TM4SF20: variants seen among roughly 807,000 people sequenced by gnomAD.
The protein encoded by TM4SF20 is transmembrane 4 L6 family member 20.
In TM4SF20, 13 loss-of-function variants were observed where a neutral mutation model predicts 15.1. That is an observed-to-expected ratio of 0.86 (90% CI 0.56 to 1.36). TM4SF20 has a LOEUF of 1.36. TM4SF20 is among the 40% of genes most tolerant of loss of function. The pLI, the probability that TM4SF20 is intolerant of heterozygous loss-of-function variation, is 0.00. For synonymous variants in TM4SF20, 92 were observed against 96.6 expected, an observed-to-expected ratio of 0.95 and a Z score of 0.28; for missense variants, 282 against 268.4, an observed-to-expected ratio of 1.05 and a Z score of -0.35.
chr2:227,380,577 A>T (rs1328306008), upstream of TM4SF20, among the ~76,000 whole-genome samples: 3 of 152,174 alleles, frequency 2.0e-5, no homozygotes, highest in African/African-American at 7.2e-5. Flanking sequence ...TTGGCCAAAA[A>T]AGTCACTCAG....
At chr2:227,373,306 A>G (rs2076430061) in intron 1 of TM4SF20, among the ~76,000 whole-genome samples, 1 of 152,140 alleles carries the variant, frequency 6.6e-6, no homozygotes, top group Non-Finnish European at 1.5e-5. Flanking sequence ...TTGCTTACAC[A>G]TTGCCTTGAA....
chr2:227,378,241 A>G (rs531885357), intron 1 of TM4SF20, among the ~76,000 whole-genome samples: 3 of 152,334 alleles, frequency 2.0e-5, no homozygotes, highest in East Asian at 3.9e-4. Context: ...AAACCATAGG[A>G]TAAATGATTT....
At chr2:227,374,941 A>AAT (rs201235503) in intron 1 of TM4SF20, among the ~76,000 whole-genome samples, 34 of 146,284 alleles carry the variant, frequency 2.3e-4, no homozygotes, top group Non-Finnish European at 4.0e-4. Flanking sequence ...AAAAAAAAAA[A>AAT]TTTTGAGACA....
intron 2 of TM4SF20, among the ~76,000 whole-genome samples, chr2:227,367,376 CA>C (rs2076398303): frequency 6.6e-6 from 1 of 151,874 alleles, no homozygotes. Flanking sequence ...TTTGTTTTTC[CA>C]AAAATAAGCT....
At chr2:227,364,488 A>G (rs890222872) in intron 3 of TM4SF20, among the ~76,000 whole-genome samples, 1 of 151,042 alleles carries the variant, frequency 6.6e-6, no homozygotes, top group Non-Finnish European at 1.5e-5. Flanking sequence ...AATATGTCTG[A>G]TTAAAGTGAT....
chr2:227,369,212 T>A (rs1338856225), intron 2 of TM4SF20, among the ~76,000 whole-genome samples: 1 of 152,196 alleles, frequency 6.6e-6, no homozygotes. Flanking sequence ...TAATCCTAGA[T>A]AAATATCAAA....
At position 227,370,894 on chromosome 2, in the gene TM4SF20, C is replaced by A. The variant is rs367605006; in HGVS notation, c.249+21G>T. On this transcript the variant is annotated intron_variant, in intron 2 of 3. Transcript: ENST00000304568. ...AACTGTTCATGCACTTCTGCTTCCACGCCGACTGCTTCATACTTACTCCAG... is the reference window on the plus strand; with the variant it reads ...AACTGTTCATGCACTTCTGCTTCCAAGCCGACTGCTTCATACTTACTCCAG... 10 of 1,611,750 alleles carry A rather than the reference C, an allele frequency of 6.2e-6. No homozygotes were observed. The African/African-American group carries it at 1.1e-4, about 17-fold the overall frequency.
chr2:227,372,500 T>A (rs1456952697), intron 1 of TM4SF20, among the ~76,000 whole-genome samples: 1 of 151,902 alleles, frequency 6.6e-6, no homozygotes, highest in Non-Finnish European at 1.5e-5. Flanking sequence ...AAAAATTAGC[T>A]GGGCGAGGTG....
chr2:227,377,844 G>A (rs1454154429), intron 1 of TM4SF20, among the ~76,000 whole-genome samples: 1 of 152,094 alleles, frequency 6.6e-6, no homozygotes, highest in African/African-American at 2.4e-5. Context: ...GAGGGTGGGA[G>A]GAGGGAGAGG....
chr2:227,368,629 G>T (rs568371863), intron 2 of TM4SF20, among the ~76,000 whole-genome samples: 2 of 152,204 alleles, frequency 1.3e-5, no homozygotes, highest in East Asian at 3.9e-4. Context: ...GCCTCCCAAA[G>T]TGCTGGGATT....
Position 227,364,026 on chromosome 2 carries a change from G to C in TM4SF20, c.402-14C>G. The C allele has an allele frequency of 6.3e-7, 1 of 1,598,596 alleles. No individual in the cohort carries two copies. The highest frequency in any genetic ancestry group is 8.5e-7 in the Non-Finnish European group (1 of 1,171,922). Reference sequence around the variant, plus strand: ...GGATGAATGTCACTGAAAAACAAAAGATAAAAATCAGATATTCAGAAATAT... The same window carrying C: ...GGATGAATGTCACTGAAAAACAAAACATAAAAATCAGATATTCAGAAATAT... On this transcript the variant is annotated splice_polypyrimidine_tract_variant and intron_variant, in intron 3 of 3. Transcript: ENST00000304568.
chr2:227,363,415 CAAAA>C lies in TM4SF20; in HGVS notation c.*305_*308del, dbSNP rs5839210. The C allele has an allele frequency of 1.7e-3, 243 of 139,776 alleles. No homozygotes were observed. The highest frequency in any genetic ancestry group is 4.3e-3 in the South Asian group (31 of 7,186). 8.7% of individuals were successfully genotyped at this position (139,776 alleles called of 1,614,324 possible). The stretch of plus-strand genomic sequence containing the variant: ...TCCAGCCTTTTTTGAGACCCTGTCT[CAAAA>C]AAAAAAAAAAAAAGTCCTGTACTTT... On this transcript the variant is annotated 3_prime_UTR_variant, in exon 4 of 4. Transcript: ENST00000304568.
chr2:227,364,711 C>T (rs1360046523), intron 3 of TM4SF20, among the ~76,000 whole-genome samples: 2 of 152,140 alleles, frequency 1.3e-5, no homozygotes, highest in African/African-American at 2.4e-5. Context: ...TGTAGCAAGC[C>T]AAGGATCACT....
intron 1 of TM4SF20, among the ~76,000 whole-genome samples, chr2:227,371,792 A>G (rs2076422507): frequency 6.6e-6 from 1 of 152,100 alleles, no homozygotes; most frequent in South Asian, 2.1e-4. Context: ...CCAAACTTAT[A>G]TTTGAGAATT....
intron 1 of TM4SF20, among the ~76,000 whole-genome samples, chr2:227,377,694 G>T (rs916604593): frequency 6.6e-6 from 1 of 152,100 alleles, no homozygotes; most frequent in South Asian, 2.1e-4. Context: ...GGAGCTGGAG[G>T]CCATTATCCT....
intron 1 of TM4SF20, among the ~76,000 whole-genome samples, chr2:227,375,784 T>C (rs12472653): frequency 0.21 from 31,288 of 152,150 alleles, 3,285 homozygotes; most frequent in East Asian, 0.24. Flanking sequence ...CCACCGTGCC[T>C]GGCCAGCTTT....
At chr2:227,368,943 A>G (rs1485754361) in intron 2 of TM4SF20, among the ~76,000 whole-genome samples, 1 of 151,550 alleles carries the variant, frequency 6.6e-6, no homozygotes, top group Admixed American at 6.5e-5. Flanking sequence ...GATACGACAT[A>G]AAAACCAGTT....
At chr2:227,369,174 A>C (rs1158373623) in intron 2 of TM4SF20, among the ~76,000 whole-genome samples, 1 of 152,246 alleles carries the variant, frequency 6.6e-6, no homozygotes, top group Non-Finnish European at 1.5e-5. Context: ...AGACAAAAAT[A>C]GACTAGAACT....
At position 227,363,880 on chromosome 2, in the gene TM4SF20, A is replaced by G. The variant is rs1365596616; in HGVS notation, c.534T>C (p.Asp178=). The G allele has an allele frequency of 6.2e-7, 1 of 1,614,168 alleles. No individual in the cohort carries two copies. Among genetic ancestry groups the G allele is most frequent in the Admixed American group, 1.7e-5 (1 of 60,018 alleles). ...TAAGCCTATGTTTGTTTTCTTCAGA[A>G]TCGAAGTGGAAACTAGATGCTCTCC... ...SGWRASSFHF[D]SEENKHRLIH... The change falls in exon 4 of 4, where the codon GAT becomes GAC. Residue 178 remains aspartate (D), a synonymous_variant. Transcript: ENST00000304568.
Sources: allele counts gnomAD v4.1 joint callset (sites outside exome capture counted in the v4.1 genomes callset), GRCh38; gene constraint gnomAD v4.1.1; transcripts MANE v1.5; gene names NCBI Gene and HGNC (gene_info 2026-07-23, HGNC 2026-07-21).